The following AMPD3 variants were observed in gnomAD, a reference collection of about 807,000 sequenced individuals.
AMPD3 encodes the protein AMP deaminase 3.
Under a neutral mutation model 82.3 loss-of-function variants are expected in AMPD3, and 57 were observed. The ratio of observed to expected loss-of-function variants is 0.69; its 90% CI spans 0.56 to 0.86. The LOEUF (loss-of-function observed/expected upper bound fraction) is 0.86, where lower values mean the gene tolerates loss of function less well. Among genes scored for constraint, AMPD3 ranks in the 40% least tolerant of loss-of-function variants. The pLI, the probability that AMPD3 is intolerant of heterozygous loss-of-function variation, is 0.00. For missense variants in AMPD3, 870 were observed against 1,003.8 expected, an observed-to-expected ratio of 0.87 and a Z score of 1.80; for synonymous variants, 381 against 394.7, an observed-to-expected ratio of 0.97 and a Z score of 0.41.
At chr11:10,504,246 A>G (rs1045296054) in intron 13 of AMPD3, 62 of 984,838 alleles carry the variant, frequency 6.3e-5, no homozygotes, top group African/African-American at 3.5e-5. Flanking sequence ...GCATGACTAG[A>G]GGGCTTGTCA....
At chr11:10,487,935 C>T (rs2133904918) in intron 6 of AMPD3, among the ~76,000 whole-genome samples, 1 of 152,088 alleles carries the variant, frequency 6.6e-6, no homozygotes, top group South Asian at 2.1e-4. Flanking sequence ...ATGTAACAAA[C>T]CTGCACATCC....
chr11:10,473,666 C>G, intron 2 of AMPD3: 1 of 908,790 alleles, frequency 1.1e-6, no homozygotes, highest in Non-Finnish European at 1.3e-6. Flanking sequence ...TGTAGGGACC[C>G]CTGTTATAGT....
At chr11:10,475,812 G>T (rs561649019) in intron 2 of AMPD3, among the ~76,000 whole-genome samples, 1 of 152,248 alleles carries the variant, frequency 6.6e-6, no homozygotes, top group East Asian at 1.9e-4. Flanking sequence ...AGGTCAATAG[G>T]AGTTGAGAGT....
intron 11 of AMPD3, 86 bp downstream of exon 11, chr11:10,500,335 G>GCGTGAGGCCTGCCCTCGCAC: frequency 6.6e-7 from 1 of 1,525,828 alleles, no homozygotes; most frequent in Non-Finnish European, 9.0e-7. Flanking sequence ...ACATGCATGT[G>GCGTGAGGCCTGCCCTCGCAC]ATCCTTGTGT....
chr11:10,465,364 A>AT (rs1256194108), intron 2 of AMPD3, among the ~76,000 whole-genome samples: 3 of 152,004 alleles, frequency 2.0e-5, no homozygotes, highest in African/African-American at 7.3e-5. Context: ...GGAATTATGT[A>AT]TTTTTTTAAG....
intron 2 of AMPD3, among the ~76,000 whole-genome samples, chr11:10,464,424 T>A (rs969889140): frequency 3.3e-5 from 5 of 152,222 alleles, no homozygotes; most frequent in African/African-American, 1.2e-4. Flanking sequence ...AGAGCCCATA[T>A]CTTTTGAATC....
intron 7 of AMPD3, chr11:10,494,433 T>C (rs1849329897): frequency 2.2e-6 from 1 of 447,990 alleles, no homozygotes; most frequent in Admixed American, 6.4e-5. Context: ...AATGTCAATG[T>C]ACTTAAAGCC....
chr11:10,460,465 G>C (rs2133820061), intron 1 of AMPD3, among the ~76,000 whole-genome samples: 1 of 149,904 alleles, frequency 6.7e-6, no homozygotes, highest in East Asian at 2.0e-4. Flanking sequence ...GGAGTGAAGT[G>C]GCTCAATCTT....
intron 1 of AMPD3, among the ~76,000 whole-genome samples, chr11:10,457,902 A>G (rs775057484): frequency 4.0e-4 from 60 of 151,800 alleles, no homozygotes; most frequent in Non-Finnish European, 5.9e-4. Context: ...CAATCAATCA[A>G]TGAATAAATG....
intron 12 of AMPD3, chr11:10,502,112 A>T: frequency 1.0e-6 from 1 of 985,432 alleles, no homozygotes; most frequent in South Asian, 4.7e-5. Flanking sequence ...AGCTCTGTGC[A>T]TACAGTCTTC....
intron 7 of AMPD3, among the ~76,000 whole-genome samples, chr11:10,494,120 A>C (rs1178683485): frequency 6.6e-6 from 1 of 152,254 alleles, no homozygotes; most frequent in African/African-American, 2.4e-5. Context: ...AAAATGTGGT[A>C]TATCCATACA....
At chr11:10,505,626 G>C in intron 14 of AMPD3, 82 bp from the exon 15 acceptor site, 1 of 1,572,794 alleles carries the variant, frequency 6.4e-7, no homozygotes, top group Non-Finnish European at 8.6e-7. Context: ...GACTTGCTGT[G>C]ACTGATGTCA....
Position 10,495,199 on chromosome 11 carries a change from C to T in AMPD3, c.1266+169C>T, listed in dbSNP as rs111591766. On this transcript the variant is annotated intron_variant, in intron 8 of 14. Transcript: ENST00000396553. The stretch of plus-strand genomic sequence containing the variant: ...CAGTGCTGTGGTCTGGCTGCCTGCT[C>T]CAGGCAGTGCTGCATGTGCCAACTG... 2,914 of 985,370 alleles carry T rather than the reference C, an allele frequency of 3.0e-3. 75 individuals carry two copies. The African/African-American group carries it at 0.045, about 15-fold the overall frequency. 61.0% of individuals were successfully genotyped at this position (985,370 alleles called of 1,614,324 possible). A position where few individuals can be genotyped will look rare whatever the true frequency, so the allele number is the denominator to read the frequency against.
intron 2 of AMPD3, chr11:10,473,335 A>C (rs773944176): frequency 4.2e-5 from 39 of 932,384 alleles, no homozygotes; most frequent in Non-Finnish European, 5.0e-5. Context: ...AACAGATAGT[A>C]CAGATTGCAC....
At chr11:10,453,858 AT>A (rs998073399), upstream of AMPD3, among the ~76,000 whole-genome samples, 4 of 152,138 alleles carry the variant, frequency 2.6e-5, no homozygotes, top group African/African-American at 9.7e-5. Context: ...AAGTGCTGGG[AT>A]TACAGGCATG....
Position 10,492,005 on chromosome 11 carries a change from G to A in AMPD3, c.940-1344G>A, listed in dbSNP as rs538464023. Among the ~76,000 whole-genome samples the A allele has an allele frequency of 2.6e-5, 4 of 152,286 alleles. No individual in the cohort carries two copies. The South Asian group carries it at 8.3e-4, about 32-fold the overall frequency. On this transcript the variant is annotated intron_variant, in intron 6 of 14. Transcript: ENST00000396553. ...ATAGTGAGAGGACAAGAGGGCCCAG[G>A]ACCAGGCATCAAGAAATTCCATTAT...
Position 10,504,612 on chromosome 11 carries a change from T to C in AMPD3, c.2080T>C (p.Cys694Arg), listed in dbSNP as rs976083908. ...QVWKLSTCDLCEIARNSVLQS... is the reference protein window; with the variant it reads ...QVWKLSTCDLREIARNSVLQS... The stretch of plus-strand genomic sequence containing the variant: ...GTGGAAGCTGAGCACCTGCGACCTG[T>C]GTGAGATCGCCAGGAACAGCGTGCT... Residue 694 changes from cysteine (C) to arginine (R), a missense_variant, in exon 14 of 15, where the codon TGT becomes CGT. Physicochemically the swap from Cys to Arg is radical, Grantham distance 180. Transcript: ENST00000396553. 6 of 1,614,050 alleles carry C rather than the reference T, an allele frequency of 3.7e-6. No individual in the cohort carries two copies. Among genetic ancestry groups the C allele is most frequent in the Non-Finnish European group, 5.1e-6 (6 of 1,180,022 alleles).
chr11:10,460,561 C>T (rs896192210), intron 1 of AMPD3, among the ~76,000 whole-genome samples: 1 of 151,892 alleles, frequency 6.6e-6, no homozygotes, highest in African/African-American at 2.4e-5. Context: ...TGCCTGCCAC[C>T]ACGCCTGGCT....
At chr11:10,477,909 C>T (rs1357833927) in intron 2 of AMPD3, 1 of 985,428 alleles carries the variant, frequency 1.0e-6, no homozygotes, top group African/African-American at 1.7e-5. Context: ...CCTATGATGC[C>T]TGTAAGCTTG....
Sources: allele counts gnomAD v4.1 joint callset (sites outside exome capture counted in the v4.1 genomes callset), GRCh38; gene constraint gnomAD v4.1.1; transcripts MANE v1.5; gene names NCBI Gene and HGNC (gene_info 2026-07-23, HGNC 2026-07-21).